The following NIPBL variants were observed in gnomAD, a reference collection of about 807,000 sequenced individuals.
NIPBL encodes the protein nipped-B-like protein.
In NIPBL, 19 loss-of-function variants were observed where a neutral mutation model predicts 321.8. The observed-to-expected ratio is 0.06, with a 90% CI of 0.04 to 0.09. The LOEUF (loss-of-function observed/expected upper bound fraction) is 0.09, where lower values mean the gene tolerates loss of function less well. Among genes scored for constraint, NIPBL ranks in the 10% least tolerant of loss-of-function variants. NIPBL has a pLI of 1.00. For missense variants in NIPBL, 2,210 were observed against 3,327.0 expected (o/e 0.66, Z 8.26); for synonymous variants, 1,106 against 1,114.1 (o/e 0.99, Z 0.14).
chr5:36,929,324 C>CT (rs935890536), intron 1 of NIPBL, among the ~76,000 whole-genome samples: 7 of 151,862 alleles, frequency 4.6e-5, no homozygotes, highest in East Asian at 1.9e-4. Context: ...ATATTGAGCA[C>CT]TTTTTTTTGT....
intron 1 of NIPBL, among the ~76,000 whole-genome samples, chr5:36,914,352 A>G (rs1748290372): frequency 6.6e-6 from 1 of 152,230 alleles, no homozygotes; most frequent in Non-Finnish European, 1.5e-5. Flanking sequence ...AATTCTGCCT[A>G]TTAAATTGTA....
intron 1 of NIPBL, among the ~76,000 whole-genome samples, chr5:36,952,060 G>GCGCGCA (rs1561070193): frequency 4.4e-5 from 5 of 113,122 alleles, no homozygotes; most frequent in Non-Finnish European, 1.0e-4. Context: ...GTGTGCGCGC[G>GCGCGCA]CGCGCGCGCG....
intron 17 of NIPBL, 76 bp from the exon 18 acceptor site, chr5:37,007,247 A>T (rs1369243998): frequency 7.7e-7 from 1 of 1,306,116 alleles, no homozygotes; most frequent in Non-Finnish European, 1.1e-6. Context: ...CTTAATTCAA[A>T]AAACAGTTTG....
chr5:36,886,366 A>G, intron 1 of NIPBL: 1 of 719,770 alleles, frequency 1.4e-6, no homozygotes, highest in East Asian at 2.5e-5. Flanking sequence ...TGAAGATGGC[A>G]AGAACTTCAG....
At chr5:36,934,796 C>G (rs183780087) in intron 1 of NIPBL, among the ~76,000 whole-genome samples, 60 of 152,132 alleles carry the variant, frequency 3.9e-4, no homozygotes, top group African/African-American at 1.3e-3. Context: ...TTTTGAAGAG[C>G]TATAGGTAGA....
chr5:36,956,065 C>CA (rs542704963), intron 3 of NIPBL, among the ~76,000 whole-genome samples: 8,046 of 104,940 alleles, frequency 0.077, 661 homozygotes, highest in African/African-American at 0.23. Context: ...ACTAAAAATA[C>CA]AAAAAAAAAA....
rs79924167 is a variant in NIPBL, at chr5:37,014,674, T to A, written c.4561-9T>A. On this transcript the variant is annotated splice_polypyrimidine_tract_variant and intron_variant, in intron 21 of 46. Coordinates refer to ENST00000282516, the MANE Select transcript of NIPBL (RefSeq NM_133433.4). Reference sequence around the variant, plus strand: ...TGTATCTTTATAAACTCACTTTTTTTCATTCTAGATTGACCAGGATGTTGT... The same window carrying A: ...TGTATCTTTATAAACTCACTTTTTTACATTCTAGATTGACCAGGATGTTGT... 10,114 of 1,574,622 alleles carry A rather than the reference T, an allele frequency of 6.4e-3. 178 individuals carry two copies. The African/African-American group carries it at 0.064, about 10-fold the overall frequency.
chr5:37,062,000 C>A (rs1754742289), intron 45 of NIPBL, among the ~76,000 whole-genome samples: 1 of 152,144 alleles, frequency 6.6e-6, no homozygotes, highest in South Asian at 2.1e-4. Context: ...AGCCACCACG[C>A]CCGGCTAATT....
chr5:36,900,416 G>C (rs1747111402), intron 1 of NIPBL, among the ~76,000 whole-genome samples: 1 of 152,086 alleles, frequency 6.6e-6, no homozygotes, highest in South Asian at 2.1e-4. Context: ...TCCCCTCAGG[G>C]CCAAAGGGGA....
At chr5:36,956,613 C>CTTTT (rs1740977163) in intron 3 of NIPBL, among the ~76,000 whole-genome samples, 1 of 135,056 alleles carries the variant, frequency 7.4e-6, no homozygotes, top group African/African-American at 2.9e-5. Flanking sequence ...ATCTAAATCA[C>CTTTT]TTCTTTTTTT....
At chr5:36,969,805 G>A (rs1742654983) in intron 6 of NIPBL, among the ~76,000 whole-genome samples, 2 of 152,090 alleles carry the variant, frequency 1.3e-5, no homozygotes, top group South Asian at 4.1e-4. Flanking sequence ...AAAAATTATT[G>A]GCAAGGATAT....
chr5:36,994,431 C>A (rs910314632), intron 10 of NIPBL, among the ~76,000 whole-genome samples: 7 of 152,124 alleles, frequency 4.6e-5, no homozygotes, highest in African/African-American at 7.2e-5. Context: ...ATATCTCCAT[C>A]TTGAGTTATT....
At chr5:37,021,206 G>T (rs1032555578) in intron 27 of NIPBL, among the ~76,000 whole-genome samples, 1 of 152,204 alleles carries the variant, frequency 6.6e-6, no homozygotes, top group Admixed American at 6.5e-5. Context: ...GGCTGAGGCC[G>T]GAGAATTGCT....
At chr5:37,064,166 C>A in intron 46 of NIPBL, 188 bp downstream of exon 46, 4 of 1,415,792 alleles carry the variant, frequency 2.8e-6, no homozygotes, top group Non-Finnish European at 2.8e-6. Context: ...ACATAAAAGA[C>A]AATAAAAAAA....
At position 36,986,081 on chromosome 5, in the gene NIPBL, C is replaced by A. The variant is rs765533064; in HGVS notation, c.2901C>A (p.Gly967=). The change falls in exon 10 of 47, where the codon GGC becomes GGA. Residue 967 remains glycine, a synonymous_variant. Transcript: ENST00000282516. Reference sequence around the variant, plus strand: ...CGAAAATCAAGAGGGATAAAGATGGCAATGTTACTCAGGAGACAAAGAAAA... The same window carrying A: ...CGAAAATCAAGAGGGATAAAGATGGAAATGTTACTCAGGAGACAAAGAAAA... ...VIPKIKRDKD[G]NVTQETKKME... 3.5e-5 allele frequency: 57 copies of A among 1,613,484 alleles called. No individual in the cohort carries two copies. The highest frequency in any genetic ancestry group is 3.6e-5 in the Non-Finnish European group (43 of 1,179,834).
chr5:36,919,309 G>A (rs754649080), intron 1 of NIPBL, among the ~76,000 whole-genome samples: 9 of 151,880 alleles, frequency 5.9e-5, no homozygotes, highest in Non-Finnish European at 1.2e-4. Context: ...ATATATTTCA[G>A]TTGACATTTT....
At chr5:36,972,077 T>C in intron 8 of NIPBL, 36 bp downstream of exon 8, 1 of 1,393,084 alleles carries the variant, frequency 7.2e-7, no homozygotes, top group Non-Finnish European at 1.0e-6. Flanking sequence ...CTGTATATTT[T>C]ATATTTGAAG....
At chr5:36,993,064 C>T (rs1580418272) in intron 10 of NIPBL, among the ~76,000 whole-genome samples, 1 of 152,006 alleles carries the variant, frequency 6.6e-6, no homozygotes. Flanking sequence ...TCTTTGTAAT[C>T]AAGCAACCTG....
Position 36,949,144 on chromosome 5 carries a change from C to G in NIPBL, c.-79-4474C>G, listed in dbSNP as rs188587390. Among the ~76,000 whole-genome samples the G allele has an allele frequency of 5.5e-3, 835 of 151,812 alleles. 13 individuals are homozygous for G. The highest frequency in any genetic ancestry group is 0.019 in the African/African-American group (806 of 41,468). On this transcript the variant is annotated intron_variant, in intron 1 of 46. Coordinates refer to ENST00000282516, the MANE Select transcript of NIPBL (RefSeq NM_133433.4). ...ACAAAATTTAATAATAATTACCTAC[C>G]TCATATATCAGAGATGAGGAAACTG...
Sources: gnomAD v4.1 joint callset for allele counts (sites outside exome capture counted in the v4.1 genomes callset) on GRCh38, gnomAD v4.1.1 for gene constraint, MANE v1.5 for transcripts, NCBI Gene and HGNC (gene_info 2026-07-23, HGNC 2026-07-21) for gene names.